OPCML: variants seen among roughly 807,000 people sequenced by gnomAD.
OPCML encodes the protein opioid-binding protein/cell adhesion molecule.
OPCML carries 13 observed loss-of-function variants against 37.8 expected under a neutral mutation model. The observed-to-expected ratio is 0.34, with a 90% CI of 0.22 to 0.55. OPCML has a LOEUF of 0.55. OPCML is among the 20% of genes least tolerant of loss of function. OPCML has a pLI of 0.91. For synonymous variants in OPCML, 176 were observed against 168.8 expected (o/e 1.04, Z -0.33); for missense variants, 341 against 435.6 (o/e 0.78, Z 1.93).
intron 2 of OPCML, among the ~76,000 whole-genome samples, chr11:132,771,408 C>T (rs753972643): frequency 3.3e-5 from 5 of 152,054 alleles, no homozygotes; most frequent in African/African-American, 4.8e-5. Context: ...ATCAATTAGC[C>T]GATTATTCAG....
At chr11:133,046,019 C>T (rs1352729444) in intron 1 of OPCML, among the ~76,000 whole-genome samples, 1 of 152,200 alleles carries the variant, frequency 6.6e-6, no homozygotes, top group Non-Finnish European at 1.5e-5. Context: ...AAAGGAAAGA[C>T]AGCCCTGTTC....
chr11:132,438,353 A>G (rs896552396), intron 4 of OPCML, among the ~76,000 whole-genome samples: 1 of 152,266 alleles, frequency 6.6e-6, no homozygotes, highest in African/African-American at 2.4e-5. Context: ...ATAGGCCTGC[A>G]GTCCTGAGGG....
chr11:133,144,831 G>C (rs1436103000), intron 1 of OPCML, among the ~76,000 whole-genome samples: 6 of 152,198 alleles, frequency 3.9e-5, no homozygotes, highest in African/African-American at 1.4e-4. Flanking sequence ...TAGTAAAACA[G>C]CAGAAGCTAT....
intron 1 of OPCML, among the ~76,000 whole-genome samples, chr11:133,275,162 C>T (rs1941957143): frequency 6.6e-6 from 1 of 152,104 alleles, no homozygotes; most frequent in Non-Finnish European, 1.5e-5. Context: ...GATCAATTGT[C>T]CACAGCCTAC....
At chr11:133,516,440 C>CGGGGCT (rs1458906723) in intron 1 of OPCML, among the ~76,000 whole-genome samples, 1 of 152,062 alleles carries the variant, frequency 6.6e-6, no homozygotes, top group Non-Finnish European at 1.5e-5. Flanking sequence ...CCACCGCCGC[C>CGGGGCT]GGGGCTGGGG....
At chr11:133,156,503 T>C (rs992393275) in intron 1 of OPCML, among the ~76,000 whole-genome samples, 4 of 152,232 alleles carry the variant, frequency 2.6e-5, no homozygotes, top group African/African-American at 9.6e-5. Flanking sequence ...CAGTCATCTC[T>C]ATTTGCTCCT....
chr11:133,049,933 A>G (rs1436957062), intron 1 of OPCML, among the ~76,000 whole-genome samples: 1 of 152,234 alleles, frequency 6.6e-6, no homozygotes, highest in Non-Finnish European at 1.5e-5. Context: ...TTATTCAGCC[A>G]AACGCTGATC....
intron 2 of OPCML, among the ~76,000 whole-genome samples, chr11:132,710,429 A>G (rs1237438296): frequency 6.6e-6 from 1 of 152,206 alleles, no homozygotes; most frequent in African/African-American, 2.4e-5. Context: ...CATCCATTAT[A>G]AAGGAGACAC....
chr11:132,833,691 G>A (rs1565897244), intron 2 of OPCML, among the ~76,000 whole-genome samples: 1 of 152,202 alleles, frequency 6.6e-6, no homozygotes, highest in Admixed American at 6.5e-5. Context: ...AAAAATGGGA[G>A]TGGTGTGTTG....
intron 1 of OPCML, among the ~76,000 whole-genome samples, chr11:133,522,937 G>A (rs920702985): frequency 1.3e-5 from 2 of 152,258 alleles, no homozygotes; most frequent in South Asian, 2.1e-4. Flanking sequence ...GGGTCTAGGC[G>A]GTGGGCCATG....
intron 1 of OPCML, chr11:133,024,277 A>G (rs1462232602): frequency 3.4e-6 from 3 of 895,198 alleles, no homozygotes; most frequent in Non-Finnish European, 4.0e-6. Context: ...AAGCTTCTAG[A>G]GCAAGCGTGT....
chr11:132,431,940 A>T (rs2095998417), intron 7 of OPCML, among the ~76,000 whole-genome samples: 2 of 152,166 alleles, frequency 1.3e-5, no homozygotes, highest in South Asian at 4.1e-4. Context: ...ATGGCTTCAG[A>T]AGTAGATAGA....
intron 4 of OPCML, among the ~76,000 whole-genome samples, chr11:132,459,519 A>G (rs1024414000): frequency 3.4e-5 from 5 of 148,458 alleles, no homozygotes; most frequent in African/African-American, 1.2e-4. Flanking sequence ...ATATATATAT[A>G]TATATACACA....
At chr11:133,095,311 C>T (rs1272439835) in intron 1 of OPCML, among the ~76,000 whole-genome samples, 2 of 77,110 alleles carry the variant, frequency 2.6e-5, no homozygotes, top group Non-Finnish European at 4.6e-5. Flanking sequence ...TTTGCAGCTG[C>T]ACGTGTATTT....
At chr11:133,025,699 G>T (rs1947541010) in intron 1 of OPCML, among the ~76,000 whole-genome samples, 1 of 150,598 alleles carries the variant, frequency 6.6e-6, no homozygotes, top group Non-Finnish European at 1.5e-5. Context: ...GAGATTATGG[G>T]CATGAGCCAA....
At chr11:132,770,810 G>A (rs1208425218) in intron 2 of OPCML, among the ~76,000 whole-genome samples, 1 of 152,148 alleles carries the variant, frequency 6.6e-6, no homozygotes, top group Non-Finnish European at 1.5e-5. Flanking sequence ...AGAAAGAATT[G>A]GAGAAGGGGG....
intron 1 of OPCML, among the ~76,000 whole-genome samples, chr11:133,518,211 A>G (rs971546750): frequency 3.6e-4 from 54 of 151,768 alleles, no homozygotes; most frequent in South Asian, 6.3e-4. Flanking sequence ...GGAAGCGTGT[A>G]TAAGTGTGTG....
At chr11:133,004,687 A>G in intron 1 of OPCML, 1 of 985,396 alleles carries the variant, frequency 1.0e-6, no homozygotes, top group Non-Finnish European at 1.2e-6. Context: ...GCTCTCCTTC[A>G]GGGCTTGCCT....
chr11:132,591,086 A>G (rs2096483655), intron 3 of OPCML, among the ~76,000 whole-genome samples: 1 of 152,178 alleles, frequency 6.6e-6, no homozygotes, highest in Non-Finnish European at 1.5e-5. Flanking sequence ...ATTTGCACAA[A>G]GCAAGATTGT....
Sources: allele counts gnomAD v4.1 joint callset (sites outside exome capture counted in the v4.1 genomes callset), GRCh38; gene constraint gnomAD v4.1.1; transcripts MANE v1.5; gene names NCBI Gene and HGNC (gene_info 2026-07-23, HGNC 2026-07-21).